ANO2: variants seen among roughly 807,000 people sequenced by gnomAD.
ANO2 encodes the protein anoctamin-2.
A neutral mutation model predicts 124.2 loss-of-function variants in ANO2; 101 were observed. That is an observed-to-expected ratio of 0.81 (90% CI 0.69 to 0.96). The LOEUF is 0.96. Ranked by LOEUF, ANO2 falls within the 40% of genes least tolerant of loss-of-function variation. The pLI, the probability that ANO2 is intolerant of heterozygous loss-of-function variation, is 0.00. For missense variants in ANO2, 1,293 were observed against 1,274.5 expected (o/e 1.01, Z -0.22); for synonymous variants, 486 against 482.5 (o/e 1.01, Z -0.09).
intron 16 of ANO2, among the ~76,000 whole-genome samples, chr12:5,616,015 C>T (rs1287365633): frequency 2.6e-5 from 4 of 152,052 alleles, no homozygotes; most frequent in Admixed American, 6.6e-5. Flanking sequence ...CAGAAGGACT[C>T]AGAGACACTG....
intron 15 of ANO2, among the ~76,000 whole-genome samples, chr12:5,638,084 C>G (rs1565505365): frequency 6.6e-6 from 1 of 151,952 alleles, no homozygotes; most frequent in Non-Finnish European, 1.5e-5. Flanking sequence ...AAACTGAAGC[C>G]CAAGAGGCAA....
intron 2 of ANO2, 132 bp downstream of exon 2, chr12:5,922,488 T>C: frequency 9.7e-7 from 1 of 1,033,486 alleles, no homozygotes; most frequent in Non-Finnish European, 1.3e-6. Flanking sequence ...GAAAAGGCCC[T>C]ACCCAAACCT....
At chr12:5,736,841 C>T (rs1950886868) in intron 13 of ANO2, among the ~76,000 whole-genome samples, 1 of 152,162 alleles carries the variant, frequency 6.6e-6, no homozygotes, top group Admixed American at 6.5e-5. Context: ...AAGGCTGCTG[C>T]TGTTTCTTTC....
intron 14 of ANO2, among the ~76,000 whole-genome samples, chr12:5,668,664 G>T (rs1047146373): frequency 1.4e-4 from 21 of 152,054 alleles, no homozygotes; most frequent in African/African-American, 5.1e-4. Context: ...TTCTTCTATG[G>T]TTTTATAGTT....
rs145783516 is a variant in ANO2, at chr12:5,864,949, T to A, written c.535-10808A>T. Among the ~76,000 whole-genome samples, 16 of 152,284 alleles carry A rather than the reference T, an allele frequency of 1.1e-4. No homozygotes were observed. The East Asian group carries it at 2.5e-3, about 24-fold the overall frequency. Reference sequence around the variant, plus strand: ...GCATTCCCAGGCATTTAAAAGCTGGTCATATTAACTCTGAAAGCCCTATCT... The same window carrying A: ...GCATTCCCAGGCATTTAAAAGCTGGACATATTAACTCTGAAAGCCCTATCT... On this transcript the variant is annotated intron_variant, in intron 3 of 24. Transcript: ENST00000682330.
At chr12:5,846,242 C>G (rs965856381) in intron 4 of ANO2, among the ~76,000 whole-genome samples, 1 of 152,154 alleles carries the variant, frequency 6.6e-6, no homozygotes, top group Non-Finnish European at 1.5e-5. Flanking sequence ...CTCCTTCCAC[C>G]ATTCATAACA....
intron 11 of ANO2, among the ~76,000 whole-genome samples, chr12:5,748,221 C>G (rs767879787): frequency 9.2e-5 from 14 of 152,186 alleles, no homozygotes; most frequent in Non-Finnish European, 1.9e-4. Context: ...ACGTGTATTA[C>G]CATGTGGGGA....
chr12:5,735,178 A>C (rs1950807777), intron 13 of ANO2, among the ~76,000 whole-genome samples: 1 of 152,146 alleles, frequency 6.6e-6, no homozygotes, highest in African/African-American at 2.4e-5. Context: ...TGACACACCC[A>C]GCCACGGGCA....
chr12:5,612,265 C>T (rs771727318), intron 19 of ANO2, among the ~76,000 whole-genome samples: 3 of 152,156 alleles, frequency 2.0e-5, no homozygotes, highest in East Asian at 1.9e-4. Context: ...ACATTTTCTT[C>T]GTATAGATTG....
At chr12:5,870,249 T>G (rs1799348663) in intron 3 of ANO2, 1 of 152,226 alleles carries the variant, frequency 6.6e-6, no homozygotes, top group Non-Finnish European at 1.5e-5. Context: ...CTGAGAGGCC[T>G]CTAGAGAAAG....
intron 12 of ANO2, chr12:5,740,440 T>C (rs931958660): frequency 6.0e-6 from 1 of 167,088 alleles, no homozygotes; most frequent in African/African-American, 2.4e-5. Flanking sequence ...AAAGCACCAG[T>C]CCCAACTAAG....
chr12:5,786,248 C>A (rs1228810407), intron 10 of ANO2, among the ~76,000 whole-genome samples: 1 of 152,100 alleles, frequency 6.6e-6, no homozygotes, highest in Non-Finnish European at 1.5e-5. Context: ...GGAAGTTAGT[C>A]CTGGAAGGAA....
intron 14 of ANO2, among the ~76,000 whole-genome samples, chr12:5,672,581 G>A (rs945235543): frequency 4.2e-5 from 5 of 118,288 alleles, no homozygotes; most frequent in African/African-American, 6.2e-5. Context: ...CAGTCAGCTC[G>A]TGTGTGTGTG....
intron 1 of ANO2, among the ~76,000 whole-genome samples, chr12:5,932,699 CTA>C (rs1942465007): frequency 6.6e-6 from 1 of 151,872 alleles, no homozygotes; most frequent in Non-Finnish European, 1.5e-5. Flanking sequence ...GGAAGGTAGA[CTA>C]GAGAGGAAGG....
At chr12:5,617,931 G>A (rs1944912891) in intron 16 of ANO2, among the ~76,000 whole-genome samples, 1 of 152,232 alleles carries the variant, frequency 6.6e-6, no homozygotes, top group South Asian at 2.1e-4. Context: ...CAGTCCATGT[G>A]TTTGGATTCT....
chr12:5,789,113 T>C (rs1020223442), intron 10 of ANO2, among the ~76,000 whole-genome samples: 3 of 152,186 alleles, frequency 2.0e-5, no homozygotes, highest in African/African-American at 4.8e-5. Flanking sequence ...CACCGCAGGA[T>C]GAACAAAAGG....
intron 3 of ANO2, among the ~76,000 whole-genome samples, chr12:5,916,238 C>T (rs748152183): frequency 3.3e-5 from 5 of 152,078 alleles, no homozygotes; most frequent in Non-Finnish European, 7.4e-5. Flanking sequence ...AATCACACTG[C>T]TGCAATCCAG....
intron 4 of ANO2, among the ~76,000 whole-genome samples, chr12:5,843,199 A>G (rs551103984): frequency 6.0e-4 from 91 of 152,328 alleles, no homozygotes; most frequent in African/African-American, 2.1e-3. Context: ...CATGTTGAAG[A>G]CTGAGTTGGC....
chr12:5,643,063 TACACACAC>T (rs67252256), intron 15 of ANO2, among the ~76,000 whole-genome samples: 26 of 149,984 alleles, frequency 1.7e-4, no homozygotes, highest in African/African-American at 6.4e-4. Flanking sequence ...AAATCCATTT[TACACACAC>T]ACACACACAC....
Sources: gnomAD v4.1 joint callset for allele counts (sites outside exome capture counted in the v4.1 genomes callset) on GRCh38, gnomAD v4.1.1 for gene constraint, MANE v1.5 for transcripts, NCBI Gene and HGNC (gene_info 2026-07-23, HGNC 2026-07-21) for gene names.